Variants in MACROH2A2 observed in about 807,000 individuals in gnomAD.
MACROH2A2 encodes the protein core histone macro-H2A.2.
A neutral mutation model predicts 37.6 loss-of-function variants in MACROH2A2; 6 were observed. The observed-to-expected ratio is 0.16, with a 90% CI of 0.09 to 0.32. The LOEUF (loss-of-function observed/expected upper bound fraction) is 0.32, where lower values mean the gene tolerates loss of function less well. Ranked by LOEUF, MACROH2A2 falls within the 10% of genes least tolerant of loss-of-function variation. The pLI, the probability that MACROH2A2 is intolerant of heterozygous loss-of-function variation, is 1.00. For missense variants in MACROH2A2, 290 were observed against 485.9 expected, an observed-to-expected ratio of 0.60 and a Z score of 3.79; for synonymous variants, 192 against 202.7, an observed-to-expected ratio of 0.95 and a Z score of 0.45.
chr10:70,107,651 C>T lies in MACROH2A2; in HGVS notation c.779-1382C>T, dbSNP rs2072346095. 6.6e-6 allele frequency among the ~76,000 whole-genome samples: 1 copy of T among 152,166 alleles called. No homozygotes were observed. The highest frequency in any genetic ancestry group is 2.1e-4 in the South Asian group (1 of 4,824). On this transcript the variant is annotated intron_variant, in intron 7 of 8. Coordinates refer to ENST00000373255, the MANE Select transcript of MACROH2A2 (RefSeq NM_018649.3). The surrounding 1 kb of genome is among the most constrained non-coding windows in gnomAD (Gnocchi z 4.4). ...TGGGAACCACATTTAGGGGAGTAAA[C>T]AGTAAAACAAAGGAGTATGACAGAA...
intron 2 of MACROH2A2, among the ~76,000 whole-genome samples, chr10:70,082,916 T>C (rs1458373487): frequency 4.6e-5 from 7 of 152,150 alleles, no homozygotes; most frequent in African/African-American, 7.2e-5. Flanking sequence ...ATTGTGAATA[T>C]ACTTAATGCC....
intron 3 of MACROH2A2, 111 bp downstream of exon 3, chr10:70,090,277 C>CA (rs563975283): frequency 7.1e-5 from 50 of 701,126 alleles, no homozygotes; most frequent in South Asian, 2.7e-4. Flanking sequence ...TACATTTATA[C>CA]AAAAAAAACT....
chr10:70,054,855 T>C (rs1159149859), intron 1 of MACROH2A2, among the ~76,000 whole-genome samples: 1 of 152,238 alleles, frequency 6.6e-6, no homozygotes, highest in Non-Finnish European at 1.5e-5. Context: ...CCAAATTTCC[T>C]TTTAAAACAT....
chr10:70,088,864 G>A (rs1434861543), intron 2 of MACROH2A2, among the ~76,000 whole-genome samples: 1 of 152,220 alleles, frequency 6.6e-6, no homozygotes, highest in African/African-American at 2.4e-5. Context: ...AGCACTTTGG[G>A]AGGCCCAGGC....
At chr10:70,069,574 G>A (rs2072097434) in intron 1 of MACROH2A2, among the ~76,000 whole-genome samples, 1 of 152,118 alleles carries the variant, frequency 6.6e-6, no homozygotes, top group South Asian at 2.1e-4. Context: ...TGTCTCTGAG[G>A]ACACCAAGAG....
intron 7 of MACROH2A2, among the ~76,000 whole-genome samples, chr10:70,100,641 G>C (rs1015254278): frequency 1.6e-5 from 2 of 123,718 alleles, no homozygotes; most frequent in Non-Finnish European, 3.4e-5. Context: ...TTTTGAGAAA[G>C]AGTCTCACTC....
At chr10:70,102,073 G>A (rs2072310137) in intron 7 of MACROH2A2, among the ~76,000 whole-genome samples, 1 of 152,168 alleles carries the variant, frequency 6.6e-6, no homozygotes, top group Non-Finnish European at 1.5e-5. Context: ...CTCAGTCAGT[G>A]CCAAGTGCCG....
chr10:70,095,095 G>A (rs185478988), intron 5 of MACROH2A2, among the ~76,000 whole-genome samples: 22 of 152,290 alleles, frequency 1.4e-4, no homozygotes, highest in Non-Finnish European at 2.2e-4. Flanking sequence ...GGGGCCAGGC[G>A]CGGTGGCTCA....
intron 7 of MACROH2A2, among the ~76,000 whole-genome samples, chr10:70,104,954 C>T (rs949072322): frequency 6.6e-6 from 1 of 152,206 alleles, no homozygotes; most frequent in Non-Finnish European, 1.5e-5. Flanking sequence ...AACTGCAGTG[C>T]AGGCCCACCC....
At chr10:70,082,983 CTTT>C (rs11287364) in intron 2 of MACROH2A2, among the ~76,000 whole-genome samples, 6 of 143,936 alleles carry the variant, frequency 4.2e-5, no homozygotes, top group Admixed American at 6.9e-5. Flanking sequence ...GTATGTTTTC[CTTT>C]TTTTTTTTTT....
At chr10:70,108,904 C>G (rs2072353337) in intron 7 of MACROH2A2, 129 bp from the exon 8 acceptor site, 1 of 783,146 alleles carries the variant, frequency 1.3e-6, no homozygotes, top group African/African-American at 1.7e-5. Context: ...ATCAGGAGCA[C>G]AGGATGCTGC....
intron 1 of MACROH2A2, among the ~76,000 whole-genome samples, chr10:70,061,947 T>C (rs1313442794): frequency 6.6e-6 from 1 of 152,214 alleles, no homozygotes; most frequent in Admixed American, 6.5e-5. Flanking sequence ...GAAAATGGTT[T>C]GGAAAGTATT....
rs1373562790 is a variant in MACROH2A2, at chr10:70,089,495, A to G, written c.173-565A>G. Among the ~76,000 whole-genome samples, 3 of 152,312 alleles carry G rather than the reference A, an allele frequency of 2.0e-5. No individual in the cohort carries two copies. The East Asian group carries it at 5.8e-4, about 29-fold the overall frequency. On this transcript the variant is annotated intron_variant, in intron 2 of 8. Coordinates refer to ENST00000373255, the MANE Select transcript of MACROH2A2 (RefSeq NM_018649.3). Reference sequence around the variant, plus strand: ...CCCTTCATTGATGGACACTTCCCAGAAGGACCAGAAAACACAATGGCTTGC... The same window carrying G: ...CCCTTCATTGATGGACACTTCCCAGGAGGACCAGAAAACACAATGGCTTGC...
intron 2 of MACROH2A2, among the ~76,000 whole-genome samples, chr10:70,084,271 C>T (rs763220442): frequency 8.5e-5 from 13 of 152,168 alleles, no homozygotes; most frequent in East Asian, 1.9e-4. Context: ...AGGTTGTACA[C>T]GGCACAAGAA....
At position 70,075,801 on chromosome 10, in the gene MACROH2A2, A is replaced by G. The variant is rs762757275; in HGVS notation, c.143A>G (p.Tyr48Cys). The G allele has an allele frequency of 6.2e-7, 1 of 1,613,714 alleles. No homozygotes were observed. The highest frequency in any genetic ancestry group is 1.1e-5 in the South Asian group (1 of 91,044). ...KYRISVGAPVYMAAVIEYLAA... is the reference protein window; with the variant it reads ...KYRISVGAPVCMAAVIEYLAA... ...CGGATCAGCGTGGGCGCCCCTGTCT[A>G]CATGGCGGCAGTCATTGAGTACCTG... The change falls in exon 2 of 9, where the codon TAC (tyrosine) becomes TGC (cysteine). Residue 48 changes from tyrosine (Y) to cysteine (C), a missense_variant. By Grantham distance (194) the Tyr-to-Cys change is radical. Around this residue, in one of 3 missense-constraint regions of MACROH2A2, gnomAD observed 83 missense variants for 159.9 expected, o/e 0.52. Coordinates refer to ENST00000373255, the MANE Select transcript of MACROH2A2 (RefSeq NM_018649.3). This position sits in a 1 kb window ranked among gnomAD's most constrained non-coding sequence, Gnocchi z 5.0.
chr10:70,090,016 A>T (rs16927265), intron 2 of MACROH2A2, 44 bp from the exon 3 acceptor site: 1 of 1,179,718 alleles, frequency 8.5e-7, no homozygotes. Flanking sequence ...TTTAGCTCAG[A>T]CCCCATTCTG....
chr10:70,095,196 G>A (rs770235680), intron 5 of MACROH2A2, among the ~76,000 whole-genome samples: 10 of 152,160 alleles, frequency 6.6e-5, no homozygotes, highest in East Asian at 5.8e-4. Flanking sequence ...ATGAAACTCC[G>A]TCTCTACTAA....
intron 3 of MACROH2A2, 62 bp from the exon 4 acceptor site, chr10:70,091,694 AC>A: frequency 1.8e-6 from 2 of 1,083,910 alleles, no homozygotes; most frequent in Admixed American, 2.2e-5. Context: ...AAAAAAAAGA[AC>A]TGTATGAAAT....
At chr10:70,108,732 T>G (rs1220655532) in intron 7 of MACROH2A2, among the ~76,000 whole-genome samples, 1 of 152,198 alleles carries the variant, frequency 6.6e-6, no homozygotes, top group Non-Finnish European at 1.5e-5. Context: ...ATGTGTCCCT[T>G]TAACTAGGAA....
Sources: allele counts gnomAD v4.1 joint callset (sites outside exome capture counted in the v4.1 genomes callset), GRCh38; gene constraint gnomAD v4.1.1; regional missense constraint gnomAD v4.1.1; non-coding constraint Gnocchi (gnomAD v3.1); transcripts MANE v1.5; gene names NCBI Gene and HGNC (gene_info 2026-07-23, HGNC 2026-07-21).